AMPD3: variants seen among roughly 807,000 people sequenced by gnomAD.
AMPD3 encodes AMP deaminase 3.
A neutral mutation model predicts 82.3 loss-of-function variants in AMPD3; 57 were observed. The ratio of observed to expected loss-of-function variants is 0.69; its 90% CI spans 0.56 to 0.86. The LOEUF (loss-of-function observed/expected upper bound fraction) is 0.86. AMPD3 is among the 40% of genes least tolerant of loss of function. The pLI, the probability that AMPD3 is intolerant of heterozygous loss-of-function variation, is 0.00. For missense variants in AMPD3, 870 were observed against 1,003.8 expected, an observed-to-expected ratio of 0.87 and a Z score of 1.80; for synonymous variants, 381 against 394.7, an observed-to-expected ratio of 0.97 and a Z score of 0.41.
chr11:10,496,538 G>A (rs1340914252), intron 9 of AMPD3: 1 of 985,332 alleles, frequency 1.0e-6, no homozygotes, highest in East Asian at 1.1e-4. Context: ...CTCTTGGTCA[G>A]CCAGAATGCC....
intron 6 of AMPD3, among the ~76,000 whole-genome samples, chr11:10,490,784 G>C (rs574040537): frequency 6.6e-6 from 1 of 152,312 alleles, no homozygotes; most frequent in Admixed American, 6.5e-5. Context: ...TGAGGTCATT[G>C]TACCAAGCTG....
At chr11:10,468,347 A>G (rs1428645246) in intron 2 of AMPD3, among the ~76,000 whole-genome samples, 1 of 151,976 alleles carries the variant, frequency 6.6e-6, no homozygotes, top group Non-Finnish European at 1.5e-5. Context: ...TGGAAAGAAA[A>G]AAAAAAAAGC....
chr11:10,479,015 G>T (rs1218092650), intron 3 of AMPD3, among the ~76,000 whole-genome samples: 1 of 152,166 alleles, frequency 6.6e-6, no homozygotes, highest in Non-Finnish European at 1.5e-5. Context: ...CAGAAAGCTG[G>T]AATTGGTCCC....
chr11:10,456,935 A>G lies in AMPD3; in HGVS notation c.-6+1487A>G, dbSNP rs1848110746. Among the ~76,000 whole-genome samples, 1 of 150,300 alleles carries G rather than the reference A, an allele frequency of 6.7e-6. No homozygotes were observed. Among genetic ancestry groups the G allele is most frequent in the Non-Finnish European group, 1.5e-5 (1 of 67,704 alleles). ...AGTGGGTTACTTGGTCCATACTAAG[A>G]TATGGAATTAATTATTTTGTTGTGG... On this transcript the variant is annotated intron_variant, in intron 1 of 14. Transcript: ENST00000396553. The surrounding 1 kb of genome is among the most constrained non-coding windows in gnomAD (Gnocchi z 4.3).
chr11:10,480,974 C>T (rs147443080), intron 3 of AMPD3, among the ~76,000 whole-genome samples: 64 of 152,216 alleles, frequency 4.2e-4, no homozygotes, highest in African/African-American at 1.4e-3. Flanking sequence ...TGTTGGAAGG[C>T]GGGAATTTAT....
chr11:10,462,910 G>T (rs977564904), intron 2 of AMPD3, among the ~76,000 whole-genome samples: 1 of 152,196 alleles, frequency 6.6e-6, no homozygotes, highest in African/African-American at 2.4e-5. Context: ...GGCCCATGTG[G>T]TTAGAGGTCT....
intron 12 of AMPD3, chr11:10,501,812 T>C (rs1849588894): frequency 1.0e-6 from 1 of 984,218 alleles, no homozygotes; most frequent in Non-Finnish European, 1.2e-6. Flanking sequence ...CTTATGCTAT[T>C]ACATTAATAG....
intron 3 of AMPD3, chr11:10,481,553 AC>A: frequency 1.0e-6 from 1 of 955,660 alleles, no homozygotes; most frequent in Non-Finnish European, 1.2e-6. Flanking sequence ...TGGATGATTC[AC>A]CAGGAGGACT....
intron 1 of AMPD3, among the ~76,000 whole-genome samples, chr11:10,459,934 C>T (rs1848209347): frequency 6.6e-6 from 1 of 151,518 alleles, no homozygotes; most frequent in Admixed American, 6.6e-5. Flanking sequence ...CATGTTAGCT[C>T]TCTATGCCTT....
intron 6 of AMPD3, chr11:10,488,167 G>A (rs1307929143): frequency 2.6e-5 from 25 of 979,812 alleles, no homozygotes; most frequent in Middle Eastern, 5.2e-4. Flanking sequence ...GGCAGTCTCC[G>A]CCTGCAGGGG....
chr11:10,502,174 C>G, intron 12 of AMPD3: 1 of 985,426 alleles, frequency 1.0e-6, no homozygotes, highest in Non-Finnish European at 1.2e-6. Context: ...AAAATGCTCC[C>G]TTTCCCTGAT....
chr11:10,500,501 T>C, intron 11 of AMPD3: 1 of 701,020 alleles, frequency 1.4e-6, no homozygotes, highest in Non-Finnish European at 1.8e-6. Flanking sequence ...ATATGTCATG[T>C]ACAGTATGCA....
At chr11:10,466,793 T>C (rs1289924389) in intron 2 of AMPD3, among the ~76,000 whole-genome samples, 1 of 152,140 alleles carries the variant, frequency 6.6e-6, no homozygotes, top group Non-Finnish European at 1.5e-5. Context: ...ACAGGAGAGC[T>C]CTGGCTGGCA....
rs895150232 is a variant in AMPD3, at chr11:10,490,626, G to GT, written c.940-2720dup. 2.8e-5 allele frequency: 28 copies of GT among 985,292 alleles called. No individual in the cohort carries two copies. The African/African-American group carries it at 4.7e-4, about 17-fold the overall frequency. The allele number at this position is 985,292 out of a possible 1,614,324, so 61.0% of individuals were successfully genotyped here. On this transcript the variant is annotated intron_variant, in intron 6 of 14. Coordinates refer to ENST00000396553, the MANE Select transcript of AMPD3 (RefSeq NM_001025389.2). ...AAAATAATCACCCTTGAGTTCTGAA[G>GT]TTTGGATGGGGTGCTTCCTGGATTG...
Position 10,482,136 on chromosome 11 carries a change from G to A in AMPD3, c.500G>A (p.Arg167Gln), listed in dbSNP as rs764108261. 3 of 1,614,146 alleles carry A rather than the reference G, an allele frequency of 1.9e-6. No individual in the cohort carries two copies. The highest frequency in any genetic ancestry group is 2.5e-6 in the Non-Finnish European group (3 of 1,180,046). The stretch of plus-strand genomic sequence containing the variant: ...CTAATGATCCGGGAGAAGTATGCGC[G>A]GCTCGCCTACCACCGCTTCCCGCGG... ...KALMIREKYA[R>Q]LAYHRFPRIT... Residue 167 changes from arginine (R) to glutamine (Q), a missense_variant, in exon 4 of 15, where the codon CGG (arginine) becomes CAG (glutamine). Physicochemically the swap from Arg to Gln is conservative, Grantham distance 43. Coordinates refer to ENST00000396553, the MANE Select transcript of AMPD3 (RefSeq NM_001025389.2).
chr11:10,473,723 T>A, intron 2 of AMPD3: 1 of 540,450 alleles, frequency 1.9e-6, no homozygotes, highest in Non-Finnish European at 2.4e-6. Flanking sequence ...ACCTCTGGTC[T>A]CAAGTACAGG....
At chr11:10,477,391 G>A (rs1398912980) in intron 2 of AMPD3, among the ~76,000 whole-genome samples, 1 of 152,188 alleles carries the variant, frequency 6.6e-6, no homozygotes, top group Non-Finnish European at 1.5e-5. Flanking sequence ...GGGAGGCCGG[G>A]TTCCACTGGG....
rs533012852 is a variant in AMPD3 at position 10,504,620 on chromosome 11, C to T, written c.2088C>T (p.Ile696=). ...TGAGCACCTGCGACCTGTGTGAGATCGCCAGGAACAGCGTGCTGCAGAGCG... is the reference window on the plus strand; with the variant it reads ...TGAGCACCTGCGACCTGTGTGAGATTGCCAGGAACAGCGTGCTGCAGAGCG... ...WKLSTCDLCE[I]ARNSVLQSGL... The change falls in exon 14 of 15, where the codon ATC becomes ATT. Residue 696 remains isoleucine, a synonymous_variant. Coordinates refer to ENST00000396553, the MANE Select transcript of AMPD3 (RefSeq NM_001025389.2). 6.2e-6 allele frequency: 10 copies of T among 1,614,142 alleles called. No individual in the cohort carries two copies. The highest frequency in any genetic ancestry group is 3.3e-5 in the Admixed American group (2 of 60,026).
At chr11:10,460,049 T>TG (rs1848214578) in intron 1 of AMPD3, among the ~76,000 whole-genome samples, 1 of 106,732 alleles carries the variant, frequency 9.4e-6, no homozygotes, top group African/African-American at 3.9e-5. Flanking sequence ...AAAATATATA[T>TG]TATATATAAT....
Sources: gnomAD v4.1 joint callset for allele counts (sites outside exome capture counted in the v4.1 genomes callset) on GRCh38, gnomAD v4.1.1 for gene constraint, Gnocchi (gnomAD v3.1) non-coding constraint, MANE v1.5 for transcripts, NCBI Gene and HGNC (gene_info 2026-07-23, HGNC 2026-07-21) for gene names.